The following TWSG1 variants were observed in gnomAD, a reference collection of about 807,000 sequenced individuals.
TWSG1 encodes twisted gastrulation BMP signaling modulator 1.
A neutral mutation model predicts 23.0 loss-of-function variants in TWSG1; 15 were observed. That is an observed-to-expected ratio of 0.65 (90% confidence interval 0.44 to 1.00). TWSG1 has a LOEUF of 1.00. Ranked by LOEUF, TWSG1 falls within the 50% of genes least tolerant of loss-of-function variation. The pLI is 0.00. For synonymous variants in TWSG1, 86 were observed against 92.8 expected (o/e 0.93, Z 0.42); for missense variants, 242 against 278.7 (o/e 0.87, Z 0.94).
At chr18:9,358,508 A>T (rs1165538453) in intron 2 of TWSG1, among the ~76,000 whole-genome samples, 1 of 152,218 alleles carries the variant, frequency 6.6e-6, no homozygotes, top group Non-Finnish European at 1.5e-5. Context: ...GGTAGCAGCC[A>T]ATCAGGGCAG....
chr18:9,385,966 C>G (rs2040681295), intron 3 of TWSG1, among the ~76,000 whole-genome samples: 1 of 151,876 alleles, frequency 6.6e-6, no homozygotes, highest in Non-Finnish European at 1.5e-5. Context: ...GTCAGGAGTT[C>G]GAGACCAGCC....
Position 9,359,979 on chromosome 18 carries a change from G to C in TWSG1, c.131G>C (p.Cys44Ser), listed in dbSNP as rs2040544819. ...CATCTGTCTTGTTTCTAGGAGCTCT[G>C]CCAGTGCCGGCCGGGAGAAGGCAAT... is the stretch of plus-strand genomic sequence containing the variant. The part of the protein sequence containing the change: ...DVSKCLIQEL[C>S]QCRPGEGNCS... The change falls in exon 3 of 5, where the codon TGC (cysteine) becomes TCC (serine). Residue 44 changes from cysteine to serine, a missense_variant. By Grantham distance (112) the Cys-to-Ser change is moderately radical (BLOSUM62 -1). Coordinates refer to ENST00000262120, the MANE Select transcript of TWSG1 (RefSeq NM_020648.6). The C allele has an allele frequency of 6.2e-7, 1 of 1,612,936 alleles. No homozygotes were observed. The highest frequency in any genetic ancestry group is 8.5e-7 in the Non-Finnish European group (1 of 1,179,340).
intron 3 of TWSG1, among the ~76,000 whole-genome samples, chr18:9,371,329 C>G: frequency 6.8e-6 from 1 of 146,718 alleles, no homozygotes; most frequent in East Asian, 2.0e-4. Flanking sequence ...TGGAGTCTTG[C>G]CCTGTCGCCC....
chr18:9,376,636 G>T (rs1314080420), intron 3 of TWSG1, among the ~76,000 whole-genome samples: 4 of 152,126 alleles, frequency 2.6e-5, no homozygotes, highest in African/African-American at 9.6e-5. Flanking sequence ...GAGCCCAGGA[G>T]TTTGTGACCA....
Position 9,377,476 on chromosome 18 carries a change from C to T in TWSG1, c.223+17405C>T, listed in dbSNP as rs529710909. 5.9e-5 allele frequency among the ~76,000 whole-genome samples: 9 copies of T among 152,240 alleles called. No individual in the cohort carries two copies. In the South Asian group the frequency reaches 1.9e-3, roughly 32 times the overall value. The stretch of plus-strand genomic sequence containing the variant: ...TCAAGTGATCTGCCCGCCTTGGCCT[C>T]CCAAAGTGCTGGGATTACGGGCATG... On this transcript the variant is annotated intron_variant, in intron 3 of 4. Coordinates refer to ENST00000262120, the MANE Select transcript of TWSG1 (RefSeq NM_020648.6).
intron 3 of TWSG1, among the ~76,000 whole-genome samples, chr18:9,377,814 G>A (rs2145622223): frequency 1.3e-5 from 2 of 151,902 alleles, no homozygotes; most frequent in Non-Finnish European, 2.9e-5. Flanking sequence ...TGACCTCCCA[G>A]GCTCAAGCCA....
At chr18:9,358,925 C>G (rs1049732269) in intron 2 of TWSG1, among the ~76,000 whole-genome samples, 4 of 152,064 alleles carry the variant, frequency 2.6e-5, no homozygotes, top group Non-Finnish European at 5.9e-5. Context: ...TCAGTGGTGG[C>G]TATGGAATTT....
At position 9,396,864 on chromosome 18, in the gene TWSG1, G is replaced by C. The variant is rs543447279; in HGVS notation, c.490+318G>C. ...TCACGAGGTCAAGAGTTCGAGACCA[G>C]CCTGACCAACATGGTGAAACCCCAT... On this transcript the variant is annotated intron_variant, in intron 4 of 4. Transcript: ENST00000262120. 16 of 413,012 alleles carry C rather than the reference G, an allele frequency of 3.9e-5. No individual in the cohort carries two copies. In the South Asian group the frequency reaches 7.6e-4, roughly 20 times the overall value. The allele number at this position is 413,012 out of a possible 1,614,324, so 25.6% of individuals were successfully genotyped here. A position where few individuals can be genotyped will look rare whatever the true frequency, so the allele number is the denominator to read the frequency against.
intron 2 of TWSG1, among the ~76,000 whole-genome samples, chr18:9,346,951 A>G (rs905454392): frequency 2.0e-5 from 3 of 152,220 alleles, no homozygotes; most frequent in East Asian, 1.9e-4. Context: ...CCTACCAGCA[A>G]TGAATGAGAG....
chr18:9,396,752 A>C, intron 4 of TWSG1: 4 of 633,066 alleles, frequency 6.3e-6, no homozygotes, highest in Non-Finnish European at 7.9e-6. Context: ...AATATCTCCA[A>C]TCCTTGAGTA....
At chr18:9,354,408 G>A (rs2040515668) in intron 2 of TWSG1, among the ~76,000 whole-genome samples, 1 of 152,142 alleles carries the variant, frequency 6.6e-6, no homozygotes, top group African/African-American at 2.4e-5. Flanking sequence ...GTTTAGTTTT[G>A]ATCACATGTT....
chr18:9,370,476 C>G (rs923465079), intron 3 of TWSG1, among the ~76,000 whole-genome samples: 7 of 152,084 alleles, frequency 4.6e-5, no homozygotes, highest in Non-Finnish European at 1.0e-4. Context: ...ATTGGTATGC[C>G]AAAGGATAAT....
rs140015274 is a variant in TWSG1, at chr18:9,392,132, G to A, written c.224-4148G>A. Among the ~76,000 whole-genome samples the A allele has an allele frequency of 2.6e-3, 399 of 152,286 alleles. 1 individual carries two copies. The highest frequency in any genetic ancestry group is 9.1e-3 in the African/African-American group (377 of 41,566). Reference sequence around the variant, plus strand: ...ACTAGCTGCATTAGACCCCAACAACGTAGCCTGTTCTTTGAAGCTTTTGAA... The same window carrying A: ...ACTAGCTGCATTAGACCCCAACAACATAGCCTGTTCTTTGAAGCTTTTGAA... On this transcript the variant is annotated intron_variant, in intron 3 of 4. Coordinates refer to ENST00000262120, the MANE Select transcript of TWSG1 (RefSeq NM_020648.6).
chr18:9,392,290 G>A (rs73383459), intron 3 of TWSG1, among the ~76,000 whole-genome samples: 6,201 of 152,312 alleles, frequency 0.041, 416 homozygotes, highest in African/African-American at 0.14. Flanking sequence ...TGGATCTTCT[G>A]AATAACCTGC....
chr18:9,348,156 GCTAAT>G (rs1342823092), intron 2 of TWSG1, among the ~76,000 whole-genome samples: 1 of 152,146 alleles, frequency 6.6e-6, no homozygotes, highest in Admixed American at 6.5e-5. Flanking sequence ...CTGCTCTGAG[GCTAAT>G]CATCTTCCTG....
In TWSG1 at chr18:9,337,260, C is replaced by G; in HGVS notation, c.31C>G (p.Leu11Val). 2 of 1,613,116 alleles carry G rather than the reference C, an allele frequency of 1.2e-6. No individual in the cohort carries two copies. The highest frequency in any genetic ancestry group is 1.1e-5 in the South Asian group (1 of 91,078). Residue 11 changes from leucine to valine, a missense_variant, in exon 2 of 5, where the codon CTA (leucine) becomes GTA (valine). By Grantham distance (32) the Leu-to-Val change is conservative. Transcript: ENST00000262120. MKLHYVAVLTLAILMFLTWLP... is the reference protein window; with the variant it reads MKLHYVAVLTVAILMFLTWLP... ...GTTACACTATGTTGCTGTGCTTACTCTAGCCATCCTGATGTTCCTGACATG... is the reference window on the plus strand; with the variant it reads ...GTTACACTATGTTGCTGTGCTTACTGTAGCCATCCTGATGTTCCTGACATG...
chr18:9,372,057 G>A (rs1039210176), intron 3 of TWSG1, among the ~76,000 whole-genome samples: 5 of 151,902 alleles, frequency 3.3e-5, no homozygotes, highest in East Asian at 1.9e-4. Context: ...GAGCCATCGC[G>A]CCTGGCCAAC....
intron 4 of TWSG1, chr18:9,397,174 T>A (rs7229150): frequency 6.6e-6 from 1 of 152,368 alleles, no homozygotes; most frequent in African/African-American, 2.4e-5. Flanking sequence ...ATTCTGGTAT[T>A]TATTTGTGCT....
At chr18:9,377,559 C>T (rs1315070484) in intron 3 of TWSG1, among the ~76,000 whole-genome samples, 1 of 151,850 alleles carries the variant, frequency 6.6e-6, no homozygotes, top group Non-Finnish European at 1.5e-5. Context: ...GAACAACTGG[C>T]CATCCATCTG....
Sources: gnomAD v4.1 joint callset for allele counts (sites outside exome capture counted in the v4.1 genomes callset) on GRCh38, gnomAD v4.1.1 for gene constraint, MANE v1.5 for transcripts, NCBI Gene and HGNC (gene_info 2026-07-23, HGNC 2026-07-21) for gene names.